PTGFRN: variants seen among roughly 807,000 people sequenced by gnomAD.
The protein encoded by PTGFRN is prostaglandin F2 receptor inhibitor, also known as prostaglandin F2 receptor negative regulator.
In PTGFRN, 35 loss-of-function variants were observed where a neutral mutation model predicts 83.2. The ratio of observed to expected loss-of-function variants is 0.42; its 90% CI spans 0.32 to 0.56. The LOEUF is 0.56. Ranked by LOEUF, PTGFRN falls within the 20% of genes least tolerant of loss-of-function variation. The pLI is 0.11. For synonymous variants in PTGFRN, 519 were observed against 498.6 expected (o/e 1.04, Z -0.55); for missense variants, 1,051 against 1,179.5 (o/e 0.89, Z 1.60).
At chr1:116,925,271 T>C (rs1204204456) in intron 1 of PTGFRN, among the ~76,000 whole-genome samples, 4 of 151,822 alleles carry the variant, frequency 2.6e-5, no homozygotes, top group Non-Finnish European at 4.4e-5. Flanking sequence ...TCGTTAAAAA[T>C]ACAAAAATTA....
intron 4 of PTGFRN, among the ~76,000 whole-genome samples, chr1:116,957,252 A>G (rs1650528164): frequency 6.6e-6 from 1 of 151,884 alleles, no homozygotes; most frequent in Non-Finnish European, 1.5e-5. Context: ...TAAAGACGCC[A>G]TGGATGCTCA....
rs747379049 is a variant in PTGFRN at position 116,910,033 on chromosome 1, G to C, written c.-171G>C. The C allele has an allele frequency of 4.0e-6, 3 of 753,178 alleles. No homozygotes were observed. In the African/African-American group the frequency reaches 5.5e-5, roughly 14 times the overall value. 46.7% of individuals were successfully genotyped at this position (753,178 alleles called of 1,614,324 possible). Reference sequence around the variant, plus strand: ...GCGGGAGGGAGCGAGCGGAGCCAGGGGCGCACGTACGCCCCAGCGCTGGGA... The same window carrying C: ...GCGGGAGGGAGCGAGCGGAGCCAGGCGCGCACGTACGCCCCAGCGCTGGGA... On this transcript the variant is annotated 5_prime_UTR_variant, in exon 1 of 9. Coordinates refer to ENST00000393203, the MANE Select transcript of PTGFRN (RefSeq NM_020440.4).
At chr1:116,954,198 A>G (rs1424965288) in intron 4 of PTGFRN, among the ~76,000 whole-genome samples, 1 of 152,078 alleles carries the variant, frequency 6.6e-6, no homozygotes, top group Non-Finnish European at 1.5e-5. Context: ...TAGATGTTGC[A>G]TTCAAATGAT....
chr1:116,987,104 CT>C lies in PTGFRN; in HGVS notation c.*141del. 1 of 996,604 alleles carries C rather than the reference CT, an allele frequency of 1.0e-6. No individual in the cohort carries two copies. Among genetic ancestry groups the C allele is most frequent in the Non-Finnish European group, 1.5e-6 (1 of 685,446 alleles). 61.7% of individuals were successfully genotyped at this position (996,604 alleles called of 1,614,324 possible). A position where few individuals can be genotyped will look rare whatever the true frequency, so the allele number is the denominator to read the frequency against. On this transcript the variant is annotated 3_prime_UTR_variant, in exon 9 of 9. Transcript: ENST00000393203. ...TCTCAGGTGGGACTTGGCGCTCTCT[CT>C]TTTCTGCATGTCAAGTTCTGAGCGC...
intron 1 of PTGFRN, among the ~76,000 whole-genome samples, chr1:116,931,417 T>C (rs1196622039): frequency 6.6e-6 from 1 of 152,070 alleles, no homozygotes; most frequent in Non-Finnish European, 1.5e-5. Context: ...GACTTTTTGC[T>C]CAGTAGCTGT....
At chr1:116,942,209 A>G (rs1650081262) in intron 2 of PTGFRN, 126 bp downstream of exon 2, 1 of 1,277,474 alleles carries the variant, frequency 7.8e-7, no homozygotes, top group Non-Finnish European at 1.1e-6. Flanking sequence ...CAGGGGAATA[A>G]TCATGTCTTA....
rs1349813930 is a variant in PTGFRN, at chr1:116,988,486, A to T, written c.*1519A>T. On this transcript the variant is annotated 3_prime_UTR_variant, in exon 9 of 9. Coordinates refer to ENST00000393203, the MANE Select transcript of PTGFRN (RefSeq NM_020440.4). ...GTTTTCTGAGGCTCGCTGGTGACTC[A>T]TGCCCTAATTGCAATCCTCTGCTTT... 6.5e-6 allele frequency: 1 copy of T among 152,704 alleles called. No homozygotes were observed. Among genetic ancestry groups the T allele is most frequent in the Admixed American group, 6.5e-5 (1 of 15,288 alleles). The allele number at this position is 152,704 out of a possible 1,614,324, so 9.5% of individuals were successfully genotyped here.
At chr1:116,959,703 G>C (rs575937081) in intron 4 of PTGFRN, among the ~76,000 whole-genome samples, 1 of 152,300 alleles carries the variant, frequency 6.6e-6, no homozygotes, top group Non-Finnish European at 1.5e-5. Context: ...GCCGGGTGCG[G>C]TGGCTCGTTC....
intron 5 of PTGFRN, among the ~76,000 whole-genome samples, chr1:116,965,832 C>T (rs1650811911): frequency 1.3e-5 from 2 of 152,108 alleles, no homozygotes; most frequent in Admixed American, 1.3e-4. Flanking sequence ...CGTTATGTTT[C>T]CAGTACCTGC....
intron 2 of PTGFRN, 131 bp downstream of exon 2, chr1:116,942,214 G>A (rs1650081427): frequency 2.4e-6 from 3 of 1,257,596 alleles, no homozygotes; most frequent in Non-Finnish European, 3.3e-6. Flanking sequence ...GAATAATCAT[G>A]TCTTAAATAA....
rs1339433381 is a variant in PTGFRN at position 116,952,009 on chromosome 1, G to A, written c.1213+2437G>A. The stretch of plus-strand genomic sequence containing the variant: ...TTAGGTCATGTAACTCTGGAATGTT[G>A]TCACAGAAAAGTTTTCGAGAGAGTT... On this transcript the variant is annotated intron_variant, in intron 4 of 8. Transcript: ENST00000393203. This position sits in a 1 kb window ranked among gnomAD's most constrained non-coding sequence, Gnocchi z 4.0. Among the ~76,000 whole-genome samples the A allele has an allele frequency of 1.3e-5, 2 of 152,198 alleles. No homozygotes were observed. The highest frequency in any genetic ancestry group is 2.9e-5 in the Non-Finnish European group (2 of 68,038).
chr1:116,980,715 T>C (rs1651292613), intron 7 of PTGFRN, among the ~76,000 whole-genome samples: 2 of 151,176 alleles, frequency 1.3e-5, no homozygotes, highest in African/African-American at 4.9e-5. Flanking sequence ...TGGGGTCGGG[T>C]TAGAGGGGAG....
chr1:116,982,347 C>T (rs1035530522), intron 7 of PTGFRN, among the ~76,000 whole-genome samples: 4 of 152,108 alleles, frequency 2.6e-5, no homozygotes, highest in African/African-American at 9.7e-5. Context: ...ATTTTGCACT[C>T]TTGGACTGTG....
At chr1:116,982,870 G>C (rs963770135) in intron 7 of PTGFRN, among the ~76,000 whole-genome samples, 1 of 152,176 alleles carries the variant, frequency 6.6e-6, no homozygotes, top group African/African-American at 2.4e-5. Flanking sequence ...CCTCTGGAGG[G>C]GGGAGGGTAC....
At chr1:116,940,981 GT>G (rs1182309435) in intron 1 of PTGFRN, among the ~76,000 whole-genome samples, 1 of 152,204 alleles carries the variant, frequency 6.6e-6, no homozygotes, top group Non-Finnish European at 1.5e-5. Context: ...GGGAAAACCA[GT>G]GAAGTCTTGC....
chr1:116,916,636 T>A (rs1649413556), intron 1 of PTGFRN, among the ~76,000 whole-genome samples: 1 of 152,188 alleles, frequency 6.6e-6, no homozygotes, highest in Admixed American at 6.5e-5. Flanking sequence ...ACAGATACTG[T>A]CATTTCCTGT....
At chr1:116,915,801 TAGC>T (rs1301283408) in intron 1 of PTGFRN, among the ~76,000 whole-genome samples, 19 of 152,354 alleles carry the variant, frequency 1.2e-4, no homozygotes, top group Non-Finnish European at 2.1e-4. Context: ...AGGCAGTTCA[TAGC>T]TGTTTTGTTT....
rs903071813 is a variant in PTGFRN, at chr1:116,923,092, T to G, written c.49+12840T>G. Among the ~76,000 whole-genome samples the G allele has an allele frequency of 6.6e-6, 1 of 152,200 alleles. No homozygotes were observed. Among genetic ancestry groups the G allele is most frequent in the Non-Finnish European group, 1.5e-5 (1 of 68,036 alleles). On this transcript the variant is annotated intron_variant, in intron 1 of 8. Transcript: ENST00000393203. The surrounding 1 kb of genome is among the most constrained non-coding windows in gnomAD (Gnocchi z 4.0). ...AGCCATCGGTTTGTGATGATCTGTT[T>G]ATTAGGATGAGCATTTGTGTGTCTC...
intron 4 of PTGFRN, among the ~76,000 whole-genome samples, chr1:116,954,397 G>A (rs1265524253): frequency 6.6e-6 from 1 of 151,718 alleles, no homozygotes; most frequent in Non-Finnish European, 1.5e-5. Flanking sequence ...TCATTTTGAC[G>A]ATTGGTCAAT....
Sources: allele counts gnomAD v4.1 joint callset (sites outside exome capture counted in the v4.1 genomes callset), GRCh38; gene constraint gnomAD v4.1.1; non-coding constraint Gnocchi (gnomAD v3.1); transcripts MANE v1.5; gene names NCBI Gene and HGNC (gene_info 2026-07-23, HGNC 2026-07-21).